The following ADORA2B variants were observed in gnomAD, a reference collection of about 807,000 sequenced individuals.
ADORA2B encodes the protein adenosine receptor A2b.
In ADORA2B, 18 loss-of-function variants were observed where a neutral mutation model predicts 20.8. That is an observed-to-expected ratio of 0.87 (90% confidence interval 0.60 to 1.29). The LOEUF (loss-of-function observed/expected upper bound fraction) is 1.29. Ranked by LOEUF, ADORA2B falls within the 50% of genes most tolerant of loss-of-function variation. The probability of loss-of-function intolerance (pLI) is 0.00; values close to 1 mark genes in which losing one functional copy is unlikely to be tolerated. For synonymous variants in ADORA2B, 179 were observed against 178.3 expected, an observed-to-expected ratio of 1.00 and a Z score of -0.03; for missense variants, 441 against 422.7, an observed-to-expected ratio of 1.04 and a Z score of -0.38.
chr17:15,956,502 T>G (rs1969967580), intron 1 of ADORA2B, among the ~76,000 whole-genome samples: 2 of 152,032 alleles, frequency 1.3e-5, no homozygotes, highest in Admixed American at 1.3e-4. Context: ...CTGATGATCC[T>G]GTCCACCTTC....
At chr17:15,924,863 C>T in the ADORA2B span, among the ~76,000 whole-genome samples, 3 of 151,132 alleles carry the variant, frequency 2.0e-5, no homozygotes, top group African/African-American at 7.3e-5. Flanking sequence ...TTCTTTCTTT[C>T]TTTCTTTCTT....
the ADORA2B span, among the ~76,000 whole-genome samples, chr17:15,877,831 C>T: frequency 3.3e-5 from 5 of 152,026 alleles, no homozygotes; most frequent in Admixed American, 6.6e-5. Context: ...TTTCCTGAGC[C>T]TTTGGGGGAT....
chr17:15,896,258 A>G, the ADORA2B span, among the ~76,000 whole-genome samples: 2 of 152,228 alleles, frequency 1.3e-5, no homozygotes, highest in East Asian at 1.9e-4. Context: ...AAATGAAAGG[A>G]TTATCTACCA....
chr17:15,925,160 C>T, the ADORA2B span, among the ~76,000 whole-genome samples: 40 of 152,270 alleles, frequency 2.6e-4, no homozygotes, highest in African/African-American at 9.1e-4. Flanking sequence ...CTCAGCCTCC[C>T]GAGTAGCTGA....
the ADORA2B span, among the ~76,000 whole-genome samples, chr17:15,905,284 T>TGGG: frequency 5.3e-3 from 775 of 146,704 alleles, 11 homozygotes; most frequent in African/African-American, 0.019. Flanking sequence ...TTGTTGTTGT[T>TGGG]GGGGGGGGGT....
intron 1 of ADORA2B, among the ~76,000 whole-genome samples, chr17:15,968,879 C>T (rs940112911): frequency 6.6e-6 from 1 of 152,094 alleles, no homozygotes; most frequent in Non-Finnish European, 1.5e-5. Flanking sequence ...TGGATGTGTC[C>T]GGACAGCTGG....
At chr17:15,953,307 G>A (rs1464193177) in intron 1 of ADORA2B, among the ~76,000 whole-genome samples, 3 of 152,202 alleles carry the variant, frequency 2.0e-5, no homozygotes, top group East Asian at 1.9e-4. Flanking sequence ...TGAATGAGTC[G>A]CATTTATTAT....
chr17:15,975,428 ACAC>A lies in ADORA2B; in HGVS notation c.*88_*90del. On this transcript the variant is annotated 3_prime_UTR_variant, in exon 2 of 2. Transcript: ENST00000304222. ...CTGGTTTTCATTGTGAAAGATAGCT[ACAC>A]CTCACAAGGAAATGGACTGCCTCTC... 2 of 1,401,218 alleles carry A rather than the reference ACAC, an allele frequency of 1.4e-6. No homozygotes were observed. Among genetic ancestry groups the A allele is most frequent in the Non-Finnish European group, 1.9e-6 (2 of 1,029,628 alleles). 86.8% of individuals were successfully genotyped at this position (1,401,218 alleles called of 1,614,324 possible).
At chr17:15,974,137 CT>C (rs1394121868) in intron 1 of ADORA2B, 1 of 152,842 alleles carries the variant, frequency 6.5e-6, no homozygotes, top group Non-Finnish European at 1.5e-5. Context: ...AGCATTTGCC[CT>C]TTTTGAACAG....
chr17:15,918,000 G>A, the ADORA2B span, among the ~76,000 whole-genome samples: 1 of 152,234 alleles, frequency 6.6e-6, no homozygotes, highest in Non-Finnish European at 1.5e-5. Flanking sequence ...GTACGTCCAG[G>A]TGGCCGTCGC....
chr17:15,858,844 CTT>C, the ADORA2B span: 6 of 152,814 alleles, frequency 3.9e-5, no homozygotes, highest in Admixed American at 2.6e-4. Flanking sequence ...ACATAAAAGA[CTT>C]TTGACTTACT....
intron 1 of ADORA2B, among the ~76,000 whole-genome samples, chr17:15,973,371 A>C (rs1487467147): frequency 1.3e-5 from 2 of 152,102 alleles, no homozygotes; most frequent in African/African-American, 2.4e-5. Flanking sequence ...TATTATGTTT[A>C]CCCCTGCTAG....
chr17:15,894,216 G>T, the ADORA2B span, among the ~76,000 whole-genome samples: 1 of 152,182 alleles, frequency 6.6e-6, no homozygotes, highest in South Asian at 2.1e-4. Context: ...GAACTGTCAT[G>T]CCCTCCTGAA....
upstream of ADORA2B, among the ~76,000 whole-genome samples, chr17:15,944,127 A>G (rs2779195): frequency 0.81 from 122,750 of 152,140 alleles, 55,343 homozygotes; most frequent in Non-Finnish European, 0.99. The surrounding 1 kb of genome is among the most constrained non-coding windows in gnomAD (Gnocchi z 4.8). Context: ...TCAGGGTGTC[A>G]GCAAACTTCC....
intron 1 of ADORA2B, among the ~76,000 whole-genome samples, chr17:15,955,648 T>C (rs766675782): frequency 2.0e-5 from 3 of 151,890 alleles, no homozygotes; most frequent in African/African-American, 4.8e-5. Context: ...CCTCAAGTGA[T>C]CCACTCACCT....
chr17:15,909,058 C>T, the ADORA2B span, among the ~76,000 whole-genome samples: 4 of 152,004 alleles, frequency 2.6e-5, no homozygotes, highest in African/African-American at 9.6e-5. Flanking sequence ...AGTGTGGTAG[C>T]GCTCACACCT....
the ADORA2B span, among the ~76,000 whole-genome samples, chr17:15,894,084 A>G: frequency 7.9e-5 from 12 of 152,184 alleles, no homozygotes; most frequent in African/African-American, 2.9e-4. Flanking sequence ...CCCACAGAAC[A>G]TACTTTGGAA....
chr17:15,910,556 C>G, the ADORA2B span, among the ~76,000 whole-genome samples: 2 of 152,194 alleles, frequency 1.3e-5, no homozygotes, highest in Admixed American at 6.5e-5. Flanking sequence ...GCCTCGGCCT[C>G]CCAAAGTGCT....
At chr17:15,869,339 AATTATT>A in the ADORA2B span, among the ~76,000 whole-genome samples, 498 of 143,804 alleles carry the variant, frequency 3.5e-3, 3 homozygotes, top group African/African-American at 0.012. Context: ...TAATAATAAT[AATTATT>A]ATTATTATTG....
Sources: allele counts gnomAD v4.1 joint callset (sites outside exome capture counted in the v4.1 genomes callset), GRCh38; gene constraint gnomAD v4.1.1; non-coding constraint Gnocchi (gnomAD v3.1); transcripts MANE v1.5; gene names NCBI Gene and HGNC (gene_info 2026-07-23, HGNC 2026-07-21).